MCHR2: variants seen among roughly 807,000 people sequenced by gnomAD.
MCHR2 encodes the protein melanin concentrating hormone receptor 2, also known as melanin-concentrating hormone receptor 2.
Under a neutral mutation model 24.8 loss-of-function variants are expected in MCHR2, and 15 were observed. The observed-to-expected ratio is 0.60, with a 90% confidence interval of 0.40 to 0.93. The LOEUF is 0.93. Ranked by LOEUF, MCHR2 falls within the 40% of genes least tolerant of loss-of-function variation. The pLI is 0.00. For missense variants in MCHR2, 386 were observed against 408.7 expected, an observed-to-expected ratio of 0.94 and a Z score of 0.48; for synonymous variants, 151 against 147.6, an observed-to-expected ratio of 1.02 and a Z score of -0.17.
At position 99,920,646 on chromosome 6, in the gene MCHR2, C is replaced by T; in HGVS notation, c.*294G>A. ...GTTTTGAGTCAATGGTCATGGATGGCCATTTTCATTAGTGACTAGTTTATA... is the reference window on the plus strand; with the variant it reads ...GTTTTGAGTCAATGGTCATGGATGGTCATTTTCATTAGTGACTAGTTTATA... On this transcript the variant is annotated 3_prime_UTR_variant, in exon 6 of 6. Coordinates refer to ENST00000281806, the MANE Select transcript of MCHR2 (RefSeq NM_001040179.2). 1 of 296,854 alleles carries T rather than the reference C, an allele frequency of 3.4e-6. No homozygotes were observed. The highest frequency in any genetic ancestry group is 6.4e-6 in the Non-Finnish European group (1 of 156,608). 18.4% of individuals were successfully genotyped at this position (296,854 alleles called of 1,614,324 possible).
At chr6:99,951,130 G>A (rs976601060) in intron 2 of MCHR2, among the ~76,000 whole-genome samples, 3 of 152,170 alleles carry the variant, frequency 2.0e-5, no homozygotes, top group Admixed American at 2.0e-4. Context: ...TTGGGGCAGG[G>A]AGAGGAAAGT....
chr6:99,986,995 T>C (rs1387246211), intron 1 of MCHR2, among the ~76,000 whole-genome samples: 1 of 152,038 alleles, frequency 6.6e-6, no homozygotes, highest in Non-Finnish European at 1.5e-5. Context: ...GGCCCTCCAC[T>C]GCTCAATTTT....
intron 5 of MCHR2, among the ~76,000 whole-genome samples, chr6:99,927,412 T>A (rs1401074264): frequency 6.6e-6 from 1 of 152,218 alleles, no homozygotes; most frequent in Admixed American, 6.5e-5. Flanking sequence ...ATTGAATCTA[T>A]AAATTACCTT....
intron 5 of MCHR2, among the ~76,000 whole-genome samples, chr6:99,932,276 A>T (rs1774562635): frequency 6.6e-6 from 1 of 152,248 alleles, no homozygotes; most frequent in African/African-American, 2.4e-5. Context: ...TGTGTGAAAG[A>T]AACATATCAG....
intron 1 of MCHR2, among the ~76,000 whole-genome samples, chr6:99,957,556 A>G (rs887833612): frequency 6.6e-6 from 1 of 152,060 alleles, no homozygotes; most frequent in Non-Finnish European, 1.5e-5. Context: ...TCAATATTGG[A>G]CTTTTCTAGT....
intron 4 of MCHR2, among the ~76,000 whole-genome samples, chr6:99,941,084 G>A (rs573555670): frequency 1.9e-4 from 29 of 152,094 alleles, no homozygotes; most frequent in African/African-American, 6.7e-4. Flanking sequence ...GGAACCCAAG[G>A]TGGTGGGAAA....
At chr6:99,931,449 C>T (rs886160473) in intron 5 of MCHR2, among the ~76,000 whole-genome samples, 1 of 152,200 alleles carries the variant, frequency 6.6e-6, no homozygotes, top group Non-Finnish European at 1.5e-5. Flanking sequence ...GAGGTGGAGC[C>T]TACAGTGGCA....
intron 5 of MCHR2, among the ~76,000 whole-genome samples, chr6:99,928,612 A>T (rs1774428331): frequency 1.3e-5 from 2 of 152,016 alleles, no homozygotes; most frequent in African/African-American, 2.4e-5. Flanking sequence ...TAGATTTTTT[A>T]GTTTATTTGC....
intron 1 of MCHR2, among the ~76,000 whole-genome samples, chr6:99,968,780 G>GTT (rs887769743): frequency 6.1e-5 from 9 of 147,980 alleles, no homozygotes; most frequent in Admixed American, 1.4e-4. Context: ...ATCATATAGT[G>GTT]TTTTTTTTTT....
At chr6:99,958,803 G>A (rs1775120732) in intron 1 of MCHR2, among the ~76,000 whole-genome samples, 1 of 152,170 alleles carries the variant, frequency 6.6e-6, no homozygotes. Context: ...CCAGCTTCTG[G>A]CTTCTCCCTG....
In MCHR2 at chr6:99,925,412, A is replaced by G. The variant is rs117182210; in HGVS notation, c.708-4157T>C. ...TTTATATTCAATGTTATTATTGATAAGCAAGGACTTACTCCTGCCATTTTA... is the reference window on the plus strand; with the variant it reads ...TTTATATTCAATGTTATTATTGATAGGCAAGGACTTACTCCTGCCATTTTA... On this transcript the variant is annotated intron_variant, in intron 5 of 5. Transcript: ENST00000281806. Among the ~76,000 whole-genome samples the G allele has an allele frequency of 8.3e-3, 1,266 of 152,224 alleles. 52 individuals carry two copies. The East Asian group carries it at 0.12, about 14-fold the overall frequency.
At chr6:99,947,611 C>T in intron 3 of MCHR2, 151 bp downstream of exon 3, 1 of 622,504 alleles carries the variant, frequency 1.6e-6, no homozygotes, top group Non-Finnish European at 2.6e-6. Flanking sequence ...GAAAGTTGAA[C>T]AAAATATTCT....
chr6:99,987,115 T>TA (rs1554197310), intron 1 of MCHR2, among the ~76,000 whole-genome samples: 1 of 151,388 alleles, frequency 6.6e-6, no homozygotes, highest in Non-Finnish European at 1.5e-5. Context: ...TTTATTTATT[T>TA]TTTGAGACAG....
chr6:99,922,363 A>T (rs1458863308), intron 5 of MCHR2, among the ~76,000 whole-genome samples: 4 of 152,034 alleles, frequency 2.6e-5, no homozygotes, highest in East Asian at 1.9e-4. Context: ...CGCCTCGGCC[A>T]TCCAAAGTGC....
At chr6:99,935,122 T>G (rs1774630379) in intron 4 of MCHR2, among the ~76,000 whole-genome samples, 1 of 152,096 alleles carries the variant, frequency 6.6e-6, no homozygotes, top group African/African-American at 2.4e-5. Context: ...GTATATGTGA[T>G]AGTTTAATAC....
chr6:99,978,803 A>G (rs1455907267), intron 1 of MCHR2, among the ~76,000 whole-genome samples: 2 of 152,130 alleles, frequency 1.3e-5, no homozygotes, highest in East Asian at 3.9e-4. Context: ...AAAGGCTAGG[A>G]CACCAAAAAA....
intron 2 of MCHR2, among the ~76,000 whole-genome samples, chr6:99,954,710 T>C (rs1416262369): frequency 6.6e-6 from 1 of 152,150 alleles, no homozygotes; most frequent in Non-Finnish European, 1.5e-5. Context: ...AAGAAAGTGA[T>C]TGTTTATTGG....
At position 99,947,834 on chromosome 6, in the gene MCHR2, G is replaced by C. The variant is rs1461018054; in HGVS notation, c.320C>G (p.Thr107Ser). The C allele has an allele frequency of 6.2e-7, 1 of 1,613,800 alleles. No homozygotes were observed. Among genetic ancestry groups the C allele is most frequent in the Admixed American group, 1.7e-5 (1 of 59,970 alleles). Residue 107 changes from threonine to serine, a missense_variant, in exon 3 of 6, where the codon ACC becomes AGC. Physicochemically the swap from Thr to Ser is moderately conservative, Grantham distance 58. Coordinates refer to ENST00000281806, the MANE Select transcript of MCHR2 (RefSeq NM_001040179.2). Reference protein sequence around the residue: ...GEWVFGGPLCTIITSLDTCNQ... With the variant: ...GEWVFGGPLCSIITSLDTCNQ... ...ACAAGTATCCAGGGATGTGATGATG[G>C]TGCAGAGAGGCCCCCCAAACACCCA...
chr6:99,951,678 G>A (rs369700020), intron 2 of MCHR2, among the ~76,000 whole-genome samples: 2 of 152,078 alleles, frequency 1.3e-5, no homozygotes, highest in African/African-American at 4.8e-5. Flanking sequence ...AAGAGTCTGT[G>A]TATGGCTGAC....
Sources: allele counts gnomAD v4.1 joint callset (sites outside exome capture counted in the v4.1 genomes callset), GRCh38; gene constraint gnomAD v4.1.1; transcripts MANE v1.5; gene names NCBI Gene and HGNC (gene_info 2026-07-23, HGNC 2026-07-21).